NELL2: variants seen among roughly 807,000 people sequenced by gnomAD.
The protein encoded by NELL2 is neural EGFL like 2.
Under a neutral mutation model 109.6 loss-of-function variants are expected in NELL2, and 41 were observed. The observed-to-expected ratio is 0.37, with a 90% CI of 0.29 to 0.49. NELL2 has a LOEUF of 0.49. Among genes scored for constraint, NELL2 ranks in the 20% least tolerant of loss-of-function variants. The probability of loss-of-function intolerance (pLI) is 0.98; values close to 1 mark genes in which losing one functional copy is unlikely to be tolerated. For synonymous variants in NELL2, 355 were observed against 344.7 expected, an observed-to-expected ratio of 1.03 and a Z score of -0.33; for missense variants, 900 against 1,008.3, an observed-to-expected ratio of 0.89 and a Z score of 1.45.
At chr12:44,618,732 A>G (rs1252744570) in intron 13 of NELL2, among the ~76,000 whole-genome samples, 2 of 152,156 alleles carry the variant, frequency 1.3e-5, no homozygotes, top group Non-Finnish European at 2.9e-5. Context: ...TAGATAACTA[A>G]CTATGATATA....
At chr12:44,523,266 A>T (rs753992072) in intron 17 of NELL2, 25 bp downstream of exon 17, 109 of 1,612,730 alleles carry the variant, frequency 6.8e-5, no homozygotes, top group Non-Finnish European at 8.8e-5. Flanking sequence ...AATAAAATTA[A>T]TTAAAGTTTT....
chr12:44,785,287 A>G (rs11534984), intron 3 of NELL2, among the ~76,000 whole-genome samples: 1 of 152,182 alleles, frequency 6.6e-6, no homozygotes. Flanking sequence ...CACAATTGCT[A>G]CAAAGAGAAT....
chr12:44,791,100 T>TACACAC lies in NELL2; in HGVS notation c.336-11079_336-11078insGTGTGT, dbSNP rs1331789351. Among the ~76,000 whole-genome samples, 6 of 24,842 alleles carry TACACAC rather than the reference T, an allele frequency of 2.4e-4. 1 individual carries two copies. In the East Asian group the frequency reaches 2.8e-3, roughly 12 times the overall value. 16.3% of individuals were successfully genotyped at this position (24,842 alleles called of 152,430 possible). A position where few individuals can be genotyped will look rare whatever the true frequency, so the allele number is the denominator to read the frequency against. ...ATATATACATATATATATATATGTA[T>TACACAC]ATATATATGTATATATATATGTATA... On this transcript the variant is annotated intron_variant, in intron 3 of 19. Transcript: ENST00000429094.
intron 11 of NELL2, among the ~76,000 whole-genome samples, chr12:44,704,978 C>T (rs678663): frequency 0.42 from 61,790 of 148,104 alleles, 13,465 homozygotes; most frequent in Non-Finnish European, 0.49. Context: ...AAGATCGCGC[C>T]GCTGCACTCC....
intron 13 of NELL2, among the ~76,000 whole-genome samples, chr12:44,650,324 T>G (rs7299365): frequency 0.52 from 76,778 of 148,892 alleles, 20,824 homozygotes; most frequent in East Asian, 0.73. Flanking sequence ...TTGATACAGC[T>G]TCTCAAAAAA....
At chr12:44,644,846 C>A (rs1262634361) in intron 13 of NELL2, among the ~76,000 whole-genome samples, 1 of 151,360 alleles carries the variant, frequency 6.6e-6, no homozygotes, top group Admixed American at 6.6e-5. Context: ...AAACAACAGA[C>A]ATTATCCTTG....
chr12:44,572,984 C>T (rs924386338), intron 15 of NELL2, among the ~76,000 whole-genome samples: 4 of 152,174 alleles, frequency 2.6e-5, no homozygotes, highest in Admixed American at 6.6e-5. Context: ...AGGGCTGATA[C>T]TGGAAGAGAA....
At chr12:44,764,470 T>C (rs1024636446) in intron 9 of NELL2, among the ~76,000 whole-genome samples, 2 of 152,196 alleles carry the variant, frequency 1.3e-5, no homozygotes, top group African/African-American at 4.8e-5. Flanking sequence ...GAAATAACTA[T>C]TATAAAATCA....
At chr12:44,756,000 C>T (rs1940873530) in intron 9 of NELL2, among the ~76,000 whole-genome samples, 1 of 152,094 alleles carries the variant, frequency 6.6e-6, no homozygotes, top group Non-Finnish European at 1.5e-5. Context: ...GGGCTGTTTT[C>T]GGTACACTGT....
At chr12:44,734,833 T>C (rs1384936772) in intron 9 of NELL2, among the ~76,000 whole-genome samples, 1 of 152,050 alleles carries the variant, frequency 6.6e-6, no homozygotes, top group African/African-American at 2.4e-5. Flanking sequence ...CTCATTTAGG[T>C]TTACTCACTA....
intron 9 of NELL2, among the ~76,000 whole-genome samples, chr12:44,752,018 G>A (rs1253867611): frequency 2.0e-5 from 3 of 152,004 alleles, no homozygotes; most frequent in African/African-American, 7.2e-5. Flanking sequence ...AATTTGTGTT[G>A]GGCTACATTC....
chr12:44,558,247 A>G (rs1943329127), intron 15 of NELL2, among the ~76,000 whole-genome samples: 3 of 152,210 alleles, frequency 2.0e-5, no homozygotes, highest in African/African-American at 7.2e-5. Flanking sequence ...ATTGAGCTCT[A>G]ATCCAATTTC....
At chr12:44,896,612 T>C (rs1945595657) in intron 1 of NELL2, among the ~76,000 whole-genome samples, 1 of 152,232 alleles carries the variant, frequency 6.6e-6, no homozygotes, top group Admixed American at 6.5e-5. Flanking sequence ...AAGCAATATG[T>C]AATTGATTTT....
At chr12:44,682,695 T>C (rs1193435987) in intron 12 of NELL2, among the ~76,000 whole-genome samples, 1 of 152,206 alleles carries the variant, frequency 6.6e-6, no homozygotes, top group Admixed American at 6.5e-5. Flanking sequence ...CCATTTCTTG[T>C]TTTTGTCAGG....
intron 2 of NELL2, among the ~76,000 whole-genome samples, chr12:44,855,787 T>C (rs1160608646): frequency 1.3e-5 from 2 of 152,202 alleles, no homozygotes; most frequent in Non-Finnish European, 2.9e-5. Flanking sequence ...TTCTTCAAAA[T>C]GCTGTTATTT....
chr12:44,742,173 C>T (rs2136500972), intron 9 of NELL2, among the ~76,000 whole-genome samples: 2 of 152,264 alleles, frequency 1.3e-5, no homozygotes, highest in South Asian at 4.1e-4. Context: ...GTTCTGCAGC[C>T]ACTGCTGCTG....
Position 44,528,097 on chromosome 12 carries a change from CAAAAAAAAAA to C in NELL2, c.1804+4474_1804+4483del, listed in dbSNP as rs71093812. ...TGGGCGACAGAGCGAGACTCCGTCT[CAAAAAAAAAA>C]AAAAAAAAAAAAAAAAAAAAGAATC... On this transcript the variant is annotated intron_variant, in intron 16 of 19. Coordinates refer to ENST00000429094, the MANE Select transcript of NELL2 (RefSeq NM_001145108.2). 1.2e-3 allele frequency among the ~76,000 whole-genome samples: 27 copies of C among 22,000 alleles called. 1 individual carries two copies. The highest frequency in any genetic ancestry group is 3.6e-3 in the South Asian group (1 of 278). The allele number at this position is 22,000 out of a possible 152,430, so 14.4% of individuals were successfully genotyped here. A position where few individuals can be genotyped will look rare whatever the true frequency, so the allele number is the denominator to read the frequency against.
chr12:44,808,799 C>G (rs1943084047), intron 3 of NELL2, among the ~76,000 whole-genome samples: 1 of 151,936 alleles, frequency 6.6e-6, no homozygotes, highest in Non-Finnish European at 1.5e-5. Context: ...CATGAAGACA[C>G]ATTTTTTCAG....
intron 1 of NELL2, among the ~76,000 whole-genome samples, chr12:44,884,828 C>A (rs1446797565): frequency 6.6e-6 from 1 of 151,910 alleles, no homozygotes; most frequent in Admixed American, 6.6e-5. Flanking sequence ...AATGATTTGA[C>A]AAAATTCAAC....
Sources: gnomAD v4.1 joint callset for allele counts (sites outside exome capture counted in the v4.1 genomes callset) on GRCh38, gnomAD v4.1.1 for gene constraint, MANE v1.5 for transcripts, NCBI Gene and HGNC (gene_info 2026-07-23, HGNC 2026-07-21) for gene names.